Variants in CDH13 observed in about 807,000 individuals in gnomAD.
CDH13 encodes the protein cadherin 13, also known as cadherin-13.
A neutral mutation model predicts 63.8 loss-of-function variants in CDH13; 24 were observed. The ratio of observed to expected loss-of-function variants is 0.38; its 90% confidence interval spans 0.27 to 0.53. CDH13 has a LOEUF of 0.53. Ranked by LOEUF, CDH13 falls within the 20% of genes least tolerant of loss-of-function variation. The pLI, the probability that CDH13 is intolerant of heterozygous loss-of-function variation, is 0.85. For synonymous variants in CDH13, 503 were observed against 355.3 expected (o/e 1.42, Z -4.67); for missense variants, 1,049 against 903.1 (o/e 1.16, Z -2.07).
chr16:83,549,133 CAT>C (rs2075444052), intron 7 of CDH13, among the ~76,000 whole-genome samples: 1 of 152,148 alleles, frequency 6.6e-6, no homozygotes, highest in Admixed American at 6.5e-5. Context: ...TCTCGGTTCA[CAT>C]GTCGTTAACG....
intron 5 of CDH13, among the ~76,000 whole-genome samples, chr16:83,341,151 A>G (rs879052798): frequency 6.6e-6 from 1 of 152,260 alleles, no homozygotes; most frequent in African/African-American, 2.4e-5. Flanking sequence ...TTTTGTTTTT[A>G]GAACCCAAAC....
chr16:83,107,615 A>G (rs567617849), intron 3 of CDH13, among the ~76,000 whole-genome samples: 4 of 152,144 alleles, frequency 2.6e-5, no homozygotes, highest in Non-Finnish European at 2.9e-5. Flanking sequence ...CTTCAGTGCA[A>G]TGAGCATTCA....
chr16:83,472,520 G>A (rs2073482826), intron 6 of CDH13, among the ~76,000 whole-genome samples: 1 of 152,166 alleles, frequency 6.6e-6, no homozygotes, highest in South Asian at 2.1e-4. Context: ...GGGCACCGCC[G>A]CTCAGGGGCG....
intron 2 of CDH13, among the ~76,000 whole-genome samples, chr16:82,886,001 TA>T (rs2040875463): frequency 6.6e-6 from 1 of 152,168 alleles, no homozygotes; most frequent in South Asian, 2.1e-4. Context: ...AGAAAACATG[TA>T]AAAGATACAT....
intron 7 of CDH13, among the ~76,000 whole-genome samples, chr16:83,535,487 G>C (rs2075164956): frequency 6.6e-6 from 1 of 152,208 alleles, no homozygotes; most frequent in Non-Finnish European, 1.5e-5. Flanking sequence ...AGGTTAGTGT[G>C]TGACCGTGAG....
chr16:82,948,788 A>G (rs1905002890), intron 2 of CDH13, among the ~76,000 whole-genome samples: 1 of 152,140 alleles, frequency 6.6e-6, no homozygotes, highest in Admixed American at 6.5e-5. Flanking sequence ...CCATATAACT[A>G]ATCTTCCTGG....
chr16:83,751,144 G>C (rs940541143), intron 11 of CDH13, among the ~76,000 whole-genome samples: 3 of 152,154 alleles, frequency 2.0e-5, no homozygotes, highest in Non-Finnish European at 4.4e-5. Context: ...TGGGTCTTGT[G>C]CTGAATGCCC....
intron 1 of CDH13, among the ~76,000 whole-genome samples, chr16:82,791,443 CG>C (rs2036300410): frequency 1.3e-5 from 2 of 152,162 alleles, no homozygotes; most frequent in Admixed American, 1.3e-4. Context: ...CGACAATGAT[CG>C]GGATATAAAC....
At chr16:82,849,210 G>C (rs953964875) in intron 1 of CDH13, among the ~76,000 whole-genome samples, 1 of 152,170 alleles carries the variant, frequency 6.6e-6, no homozygotes, top group Non-Finnish European at 1.5e-5. Context: ...TAACATAAAA[G>C]TGTCAGGTGA....
At chr16:83,784,544 A>G (rs1296189730) in intron 13 of CDH13, among the ~76,000 whole-genome samples, 3 of 151,504 alleles carry the variant, frequency 2.0e-5, no homozygotes, top group Non-Finnish European at 4.4e-5. Flanking sequence ...AGGCAGCAGA[A>G]TCACTTGAAC....
intron 3 of CDH13, among the ~76,000 whole-genome samples, chr16:83,034,016 G>A (rs1022916128): frequency 6.6e-6 from 1 of 152,096 alleles, no homozygotes; most frequent in Non-Finnish European, 1.5e-5. Context: ...ACAGCTGGGA[G>A]CAGAGACAGT....
At chr16:82,888,862 G>C (rs534038703) in intron 2 of CDH13, among the ~76,000 whole-genome samples, 1 of 152,168 alleles carries the variant, frequency 6.6e-6, no homozygotes, top group Admixed American at 6.5e-5. Context: ...TCTTGTGGCC[G>C]GTTATAAAAT....
chr16:83,463,316 T>C (rs145304506), intron 6 of CDH13, among the ~76,000 whole-genome samples: 4 of 152,292 alleles, frequency 2.6e-5, no homozygotes, highest in Non-Finnish European at 2.9e-5. Flanking sequence ...AATGCAGCGA[T>C]TCACAATAAA....
At chr16:83,489,366 C>T (rs747525724) in intron 7 of CDH13, among the ~76,000 whole-genome samples, 1 of 152,086 alleles carries the variant, frequency 6.6e-6, no homozygotes, top group Admixed American at 6.6e-5. Context: ...TCAATTTAAC[C>T]GAAATTGGAA....
intron 3 of CDH13, among the ~76,000 whole-genome samples, chr16:83,111,002 C>CAA (rs398030036): frequency 0.039 from 4,184 of 106,184 alleles, 170 homozygotes; most frequent in African/African-American, 0.096. Flanking sequence ...TAGGTTGTTG[C>CAA]AAAAAAAAAA....
chr16:83,227,103 C>T (rs751802219), intron 5 of CDH13, among the ~76,000 whole-genome samples: 4 of 152,060 alleles, frequency 2.6e-5, no homozygotes, highest in African/African-American at 7.2e-5. Flanking sequence ...TCATGTTTTA[C>T]GAAAGACTGC....
chr16:83,033,707 G>A (rs768057075), intron 3 of CDH13, among the ~76,000 whole-genome samples: 11 of 152,104 alleles, frequency 7.2e-5, no homozygotes, highest in Admixed American at 5.2e-4. Flanking sequence ...CAGGCTTCCC[G>A]ATTGTGCCAT....
At chr16:82,697,695 T>C (rs1433002908) in intron 1 of CDH13, among the ~76,000 whole-genome samples, 1 of 151,656 alleles carries the variant, frequency 6.6e-6, no homozygotes. Flanking sequence ...CCTAAAGTGC[T>C]GGGATTACAG....
chr16:82,762,215 A>G (rs1158207668), intron 1 of CDH13, among the ~76,000 whole-genome samples: 1 of 152,208 alleles, frequency 6.6e-6, no homozygotes, highest in East Asian at 1.9e-4. Flanking sequence ...AAGAGGTTGA[A>G]TGTAATGATT....
Sources: gnomAD v4.1 joint callset for allele counts (sites outside exome capture counted in the v4.1 genomes callset) on GRCh38, gnomAD v4.1.1 for gene constraint, MANE v1.5 for transcripts, NCBI Gene and HGNC (gene_info 2026-07-23, HGNC 2026-07-21) for gene names.